RRAS2: variants seen among roughly 807,000 people sequenced by gnomAD.
The protein encoded by RRAS2 is RAS related 2.
A neutral mutation model predicts 27.6 loss-of-function variants in RRAS2; 7 were observed. The ratio of observed to expected loss-of-function variants is 0.25; its 90% CI spans 0.14 to 0.48. The LOEUF (loss-of-function observed/expected upper bound fraction) is 0.48. Among genes scored for constraint, RRAS2 ranks in the 20% least tolerant of loss-of-function variants. The pLI is 0.99. For synonymous variants in RRAS2, 86 were observed against 90.9 expected, an observed-to-expected ratio of 0.95 and a Z score of 0.31; for missense variants, 178 against 256.2, an observed-to-expected ratio of 0.69 and a Z score of 2.08.
intron 1 of RRAS2, among the ~76,000 whole-genome samples, chr11:14,346,448 G>A (rs1848832304): frequency 6.6e-6 from 1 of 152,188 alleles, no homozygotes; most frequent in Non-Finnish European, 1.5e-5. Context: ...CATACACCTA[G>A]TGAAGTTATT....
At chr11:14,289,103 T>C (rs1554945462) in intron 4 of RRAS2, among the ~76,000 whole-genome samples, 1 of 152,180 alleles carries the variant, frequency 6.6e-6, no homozygotes, top group African/African-American at 2.4e-5. Flanking sequence ...ACGCCACATG[T>C]GGTAAGATCC....
intron 1 of RRAS2, among the ~76,000 whole-genome samples, chr11:14,356,406 CAT>C (rs1591493915): frequency 6.6e-6 from 1 of 152,202 alleles, no homozygotes; most frequent in East Asian, 1.9e-4. Flanking sequence ...TGCATTTAAA[CAT>C]GTTACAGAAC....
intron 1 of RRAS2, among the ~76,000 whole-genome samples, chr11:14,316,222 G>T (rs908130817): frequency 5.9e-5 from 9 of 152,006 alleles, no homozygotes; most frequent in Non-Finnish European, 1.5e-5. Flanking sequence ...TCAAAAAATA[G>T]CCTGTCATAA....
chr11:14,341,165 CA>C (rs1848696869), intron 1 of RRAS2, among the ~76,000 whole-genome samples: 1 of 152,076 alleles, frequency 6.6e-6, no homozygotes, highest in Non-Finnish European at 1.5e-5. Context: ...CTTCTCGGTC[CA>C]AAAGTAATCC....
chr11:14,281,429 T>C (rs1472636783), intron 5 of RRAS2, among the ~76,000 whole-genome samples, 173 bp downstream of exon 5: 1 of 152,194 alleles, frequency 6.6e-6, no homozygotes, highest in African/African-American at 2.4e-5. Context: ...ACTTTATACT[T>C]CATAATTAAA....
Position 14,358,603 on chromosome 11 carries a change from G to A in RRAS2, c.108+160C>T. The A allele has an allele frequency of 4.1e-6, 4 of 982,744 alleles. No homozygotes were observed. Among genetic ancestry groups the A allele is most frequent in the Non-Finnish European group, 4.8e-6 (4 of 827,340 alleles). 60.9% of individuals were successfully genotyped at this position (982,744 alleles called of 1,614,324 possible). On this transcript the variant is annotated intron_variant, in intron 1 of 5. Transcript: ENST00000256196. This position sits in a 1 kb window ranked among gnomAD's most constrained non-coding sequence, Gnocchi z 5.1. Reference sequence around the variant, plus strand: ...GCAGGAGCGCGACGCTGCGGCCGCAGGGCAGGAGCGTAGTCGGCCCCGCGC... The same window carrying A: ...GCAGGAGCGCGACGCTGCGGCCGCAAGGCAGGAGCGTAGTCGGCCCCGCGC...
At chr11:14,302,109 C>CACACACACA (rs1415452446) in intron 1 of RRAS2, among the ~76,000 whole-genome samples, 1 of 139,020 alleles carries the variant, frequency 7.2e-6, no homozygotes, top group East Asian at 2.1e-4. Flanking sequence ...CACACACACA[C>CACACACACA]ACCAAAAACC....
At chr11:14,311,735 A>G (rs1188308322) in intron 1 of RRAS2, among the ~76,000 whole-genome samples, 2 of 152,232 alleles carry the variant, frequency 1.3e-5, no homozygotes, top group African/African-American at 4.8e-5. Context: ...TTTCAATAAT[A>G]TATTTTAAAA....
intron 1 of RRAS2, among the ~76,000 whole-genome samples, chr11:14,308,905 T>C (rs1306553336): frequency 1.3e-5 from 2 of 152,218 alleles, no homozygotes; most frequent in Non-Finnish European, 2.9e-5. Context: ...TTATTTAATC[T>C]CTTAAGTCTC....
intron 1 of RRAS2, among the ~76,000 whole-genome samples, chr11:14,353,887 C>T (rs1449344095): frequency 6.6e-6 from 1 of 152,124 alleles, no homozygotes; most frequent in Non-Finnish European, 1.5e-5. Flanking sequence ...TAGTATGGTA[C>T]CACTTTGGGG....
chr11:14,332,231 C>A (rs1848494283), intron 1 of RRAS2, among the ~76,000 whole-genome samples: 1 of 152,212 alleles, frequency 6.6e-6, no homozygotes, highest in East Asian at 1.9e-4. Context: ...ATGTCTGGGG[C>A]AGCTTTATTC....
chr11:14,289,453 G>C (rs1328190536), intron 4 of RRAS2, among the ~76,000 whole-genome samples: 1 of 152,120 alleles, frequency 6.6e-6, no homozygotes, highest in Admixed American at 6.6e-5. Context: ...TTTAATTTCA[G>C]ATTCAAGTGT....
At chr11:14,364,402 G>A (rs1554956488) in exon 1 of RRAS2, 3 of 1,535,892 alleles carry the variant, frequency 2.0e-6, no homozygotes, top group African/African-American at 1.4e-5. Flanking sequence ...ATGGGTGATG[G>A]AGGAGCATCA....
intron 4 of RRAS2, among the ~76,000 whole-genome samples, chr11:14,285,117 T>C (rs782568045): frequency 5.3e-5 from 8 of 152,240 alleles, no homozygotes; most frequent in Non-Finnish European, 1.2e-4. Flanking sequence ...GTTTTTATGA[T>C]TGCATTTTAC....
At chr11:14,328,017 CTAAAAA>C (rs1165874948) in intron 1 of RRAS2, among the ~76,000 whole-genome samples, 1 of 152,108 alleles carries the variant, frequency 6.6e-6, no homozygotes, top group Non-Finnish European at 1.5e-5. Context: ...ACAGGATTTT[CTAAAAA>C]TAAAATCTAC....
intron 1 of RRAS2, among the ~76,000 whole-genome samples, chr11:14,304,897 C>G (rs1225311679): frequency 6.6e-6 from 1 of 151,942 alleles, no homozygotes; most frequent in East Asian, 1.9e-4. Context: ...TTTTTTTTGT[C>G]AAATGTTTCC....
chr11:14,329,931 C>T (rs1005027860), intron 1 of RRAS2, among the ~76,000 whole-genome samples: 6 of 151,928 alleles, frequency 3.9e-5, no homozygotes, highest in African/African-American at 1.5e-4. Flanking sequence ...ATAAATTAGC[C>T]AGGCGTGGTG....
chr11:14,348,959 ACTT>A (rs1177822703), intron 1 of RRAS2, among the ~76,000 whole-genome samples: 1 of 152,030 alleles, frequency 6.6e-6, no homozygotes, highest in Non-Finnish European at 1.5e-5. Flanking sequence ...ATATCTACAT[ACTT>A]CTTTTTTTGT....
intron 2 of RRAS2, 121 bp from the exon 3 acceptor site, chr11:14,294,983 C>A: frequency 1.4e-6 from 1 of 728,180 alleles, no homozygotes. Flanking sequence ...ACAGAAATGG[C>A]ATTCCTTTCT....
Sources: gnomAD v4.1 joint callset for allele counts (sites outside exome capture counted in the v4.1 genomes callset) on GRCh38, gnomAD v4.1.1 for gene constraint, Gnocchi (gnomAD v3.1) non-coding constraint, MANE v1.5 for transcripts, NCBI Gene and HGNC (gene_info 2026-07-23, HGNC 2026-07-21) for gene names.